MACROD2: variants seen among roughly 807,000 people sequenced by gnomAD.
The protein encoded by MACROD2 is mono-ADP ribosylhydrolase 2.
Under a neutral mutation model 70.4 loss-of-function variants are expected in MACROD2, and 36 were observed. The ratio of observed to expected loss-of-function variants is 0.51; its 90% CI spans 0.39 to 0.68. The LOEUF (loss-of-function observed/expected upper bound fraction) is 0.68, where lower values mean the gene tolerates loss of function less well. Among genes scored for constraint, MACROD2 ranks in the 30% least tolerant of loss-of-function variants. The pLI is 0.00. For synonymous variants in MACROD2, 172 were observed against 178.8 expected (o/e 0.96, Z 0.30); for missense variants, 496 against 538.4 (o/e 0.92, Z 0.78).
At chr20:14,808,766 A>G (rs2072671635) in intron 5 of MACROD2, among the ~76,000 whole-genome samples, 1 of 151,998 alleles carries the variant, frequency 6.6e-6, no homozygotes, top group Non-Finnish European at 1.5e-5. Context: ...GAAAGAAAAA[A>G]AAAAAAGCAG....
intron 9 of MACROD2, among the ~76,000 whole-genome samples, chr20:15,874,777 A>G (rs2064644215): frequency 6.6e-6 from 1 of 152,184 alleles, no homozygotes; most frequent in South Asian, 2.1e-4. Context: ...GATGTCTACA[A>G]TCTAAACCCC....
At chr20:15,401,285 G>A (rs2045927476) in intron 6 of MACROD2, among the ~76,000 whole-genome samples, 2 of 152,122 alleles carry the variant, frequency 1.3e-5, no homozygotes, top group Non-Finnish European at 2.9e-5. Context: ...TGATCCGCCC[G>A]CCTCGGCCTC....
chr20:14,315,917 C>A (rs1311563511), intron 3 of MACROD2, among the ~76,000 whole-genome samples: 1 of 152,146 alleles, frequency 6.6e-6, no homozygotes, highest in Admixed American at 6.5e-5. Flanking sequence ...GTAGGTCTGG[C>A]AAGTGTACTC....
intron 3 of MACROD2, among the ~76,000 whole-genome samples, chr20:14,484,242 A>C (rs113147194): frequency 2.8e-4 from 42 of 152,142 alleles, no homozygotes; most frequent in African/African-American, 9.9e-4. Context: ...TAAATTTTAA[A>C]AGTACATATG....
intron 5 of MACROD2, among the ~76,000 whole-genome samples, chr20:15,078,375 CCATA>C (rs1270180454): frequency 6.6e-6 from 1 of 152,138 alleles, no homozygotes; most frequent in Non-Finnish European, 1.5e-5. Flanking sequence ...CTCACAATGT[CCATA>C]CAGAGAAGGG....
At chr20:15,974,874 G>A (rs923360813) in intron 13 of MACROD2, among the ~76,000 whole-genome samples, 1 of 152,102 alleles carries the variant, frequency 6.6e-6, no homozygotes, top group East Asian at 1.9e-4. Flanking sequence ...TGTAATGTGT[G>A]TGCATATGTC....
chr20:15,428,380 A>G (rs1052385027), intron 6 of MACROD2, among the ~76,000 whole-genome samples: 1 of 152,188 alleles, frequency 6.6e-6, no homozygotes, highest in African/African-American at 2.4e-5. Flanking sequence ...CCTCTGGCAC[A>G]TTGACTATTT....
At chr20:15,478,882 C>A (rs1460252378) in intron 7 of MACROD2, among the ~76,000 whole-genome samples, 1 of 152,154 alleles carries the variant, frequency 6.6e-6, no homozygotes, top group East Asian at 1.9e-4. Flanking sequence ...AAGTTGTCAC[C>A]AGGCAAAATG....
In MACROD2 at chr20:14,395,897, C is replaced by G. The variant is rs113188443; in HGVS notation, c.272-97582C>G. Among the ~76,000 whole-genome samples the G allele has an allele frequency of 4.5e-3, 690 of 152,230 alleles. 6 individuals carry two copies. The highest frequency in any genetic ancestry group is 0.015 in the African/African-American group (634 of 41,536). On this transcript the variant is annotated intron_variant, in intron 3 of 17. Coordinates refer to ENST00000684519, the MANE Select transcript of MACROD2 (RefSeq NM_001351661.2). ...TCCAAATATTTGAGGATTTTCCAAGCATCTTTCTGTCATGGATTTTTTATG... is the reference window on the plus strand; with the variant it reads ...TCCAAATATTTGAGGATTTTCCAAGGATCTTTCTGTCATGGATTTTTTATG...
At chr20:15,801,038 G>T (rs954196032) in intron 8 of MACROD2, among the ~76,000 whole-genome samples, 1 of 150,184 alleles carries the variant, frequency 6.7e-6, no homozygotes, top group Non-Finnish European at 1.5e-5. Context: ...AGTACCCAGG[G>T]ACACAAACAC....
At chr20:16,021,732 A>G (rs1253816805) in intron 15 of MACROD2, among the ~76,000 whole-genome samples, 3 of 152,192 alleles carry the variant, frequency 2.0e-5, no homozygotes, top group African/African-American at 7.2e-5. Flanking sequence ...AATCGCAATG[A>G]GGTTAAATAA....
chr20:14,384,016 T>G (rs1002305811), intron 3 of MACROD2, among the ~76,000 whole-genome samples: 1 of 152,196 alleles, frequency 6.6e-6, no homozygotes, highest in African/African-American at 2.4e-5. Flanking sequence ...CATTCATTTC[T>G]TAAGCTTTGA....
intron 4 of MACROD2, among the ~76,000 whole-genome samples, chr20:14,594,710 G>T (rs1982004289): frequency 6.6e-6 from 1 of 152,156 alleles, no homozygotes; most frequent in Non-Finnish European, 1.5e-5. Context: ...TGGCCAATAT[G>T]GTGAAACCCT....
chr20:15,099,242 G>A (rs1330472024), intron 5 of MACROD2, among the ~76,000 whole-genome samples: 1 of 152,146 alleles, frequency 6.6e-6, no homozygotes, highest in African/African-American at 2.4e-5. Context: ...TTCATATATT[G>A]AAGCCCTAAC....
rs562328698 is a variant in MACROD2, at chr20:15,675,879, A to G, written c.645+176032A>G. On this transcript the variant is annotated intron_variant, in intron 8 of 17. Coordinates refer to ENST00000684519, the MANE Select transcript of MACROD2 (RefSeq NM_001351661.2). Reference sequence around the variant, plus strand: ...GGCAGTGATGACATTTTCAGTGATCAGGCCAGCTTTTGTGTTCATTAACAC... The same window carrying G: ...GGCAGTGATGACATTTTCAGTGATCGGGCCAGCTTTTGTGTTCATTAACAC... 3.9e-5 allele frequency among the ~76,000 whole-genome samples: 6 copies of G among 152,300 alleles called. No individual in the cohort carries two copies. The South Asian group carries it at 6.2e-4, about 16-fold the overall frequency.
At chr20:14,573,798 A>G (rs1384468012) in intron 4 of MACROD2, among the ~76,000 whole-genome samples, 1 of 152,192 alleles carries the variant, frequency 6.6e-6, no homozygotes, top group Non-Finnish European at 1.5e-5. Flanking sequence ...CAAAAAATGT[A>G]TAGCTGCTGG....
intron 6 of MACROD2, among the ~76,000 whole-genome samples, chr20:15,267,551 C>T (rs986096794): frequency 1.2e-4 from 18 of 152,158 alleles, no homozygotes; most frequent in Admixed American, 9.8e-4. Context: ...ATTGAATAAA[C>T]ATGGGATGGC....
intron 8 of MACROD2, among the ~76,000 whole-genome samples, chr20:15,642,827 G>A (rs1171639039): frequency 6.6e-6 from 1 of 152,048 alleles, no homozygotes; most frequent in African/African-American, 2.4e-5. Context: ...TCCTCTCTGA[G>A]CACACTGTAC....
At chr20:15,319,930 T>G (rs975569622) in intron 6 of MACROD2, among the ~76,000 whole-genome samples, 3 of 152,076 alleles carry the variant, frequency 2.0e-5, no homozygotes, top group Non-Finnish European at 4.4e-5. Context: ...TAGAAATTAG[T>G]TTTTTCATTG....
Sources: allele counts gnomAD v4.1 joint callset (sites outside exome capture counted in the v4.1 genomes callset), GRCh38; gene constraint gnomAD v4.1.1; transcripts MANE v1.5; gene names NCBI Gene and HGNC (gene_info 2026-07-23, HGNC 2026-07-21).